SNX29: variants seen among roughly 807,000 people sequenced by gnomAD.
SNX29 encodes sorting nexin 29.
A neutral mutation model predicts 102.1 loss-of-function variants in SNX29; 78 were observed. The ratio of observed to expected loss-of-function variants is 0.76; its 90% CI spans 0.64 to 0.92. The LOEUF (loss-of-function observed/expected upper bound fraction) is 0.92. SNX29 is among the 40% of genes least tolerant of loss of function. The probability of loss-of-function intolerance (pLI) is 0.00; values close to 1 mark genes in which losing one functional copy is unlikely to be tolerated. For missense variants in SNX29, 1,280 were observed against 1,061.7 expected (o/e 1.21, Z -2.86); for synonymous variants, 580 against 414.5 (o/e 1.40, Z -4.85).
chr16:12,201,076 C>T (rs1241834880), intron 14 of SNX29, among the ~76,000 whole-genome samples: 1 of 152,190 alleles, frequency 6.6e-6, no homozygotes, highest in Non-Finnish European at 1.5e-5. Context: ...CTTTTGGTTA[C>T]TGTTTGATCA....
intron 15 of SNX29, among the ~76,000 whole-genome samples, chr16:12,295,932 C>G (rs563751092): frequency 6.6e-6 from 1 of 152,120 alleles, no homozygotes; most frequent in Non-Finnish European, 1.5e-5. Context: ...TTAACGTTTC[C>G]AAAAATGAGT....
chr16:12,567,251 G>A (rs1013462844), intron 20 of SNX29, among the ~76,000 whole-genome samples: 42 of 152,026 alleles, frequency 2.8e-4, no homozygotes, highest in African/African-American at 1.0e-3. Flanking sequence ...ACACAGTCCT[G>A]TCTTCCCTTG....
chr16:12,218,393 T>C (rs57764081), intron 14 of SNX29, among the ~76,000 whole-genome samples: 5 of 152,130 alleles, frequency 3.3e-5, no homozygotes, highest in Non-Finnish European at 7.3e-5. Context: ...ATGTCAGGAG[T>C]TGGGAAACCA....
intron 19 of SNX29, among the ~76,000 whole-genome samples, chr16:12,505,838 G>T (rs918900239): frequency 6.6e-6 from 1 of 150,450 alleles, no homozygotes; most frequent in Non-Finnish European, 1.5e-5. Flanking sequence ...AATTTGAGGA[G>T]TATCAGCATC....
intron 14 of SNX29, among the ~76,000 whole-genome samples, chr16:12,247,898 A>G (rs923202783): frequency 1.3e-5 from 2 of 152,214 alleles, no homozygotes; most frequent in Non-Finnish European, 2.9e-5. Context: ...TCCCAGAGAA[A>G]GGAAGATAAT....
intron 14 of SNX29, among the ~76,000 whole-genome samples, chr16:12,268,938 C>G (rs78529791): frequency 0.033 from 5,063 of 152,160 alleles, 309 homozygotes; most frequent in African/African-American, 0.12. Flanking sequence ...AACACAGATA[C>G]CCCCAAACAG....
At chr16:12,151,827 C>T (rs1444947956) in intron 13 of SNX29, among the ~76,000 whole-genome samples, 2 of 152,158 alleles carry the variant, frequency 1.3e-5, no homozygotes, top group African/African-American at 2.4e-5. Context: ...CCTCTGCCTC[C>T]CGGGTTCAAG....
At chr16:12,562,442 GTTTGAC>G (rs1193243518) in intron 20 of SNX29, among the ~76,000 whole-genome samples, 1 of 152,184 alleles carries the variant, frequency 6.6e-6, no homozygotes, top group African/African-American at 2.4e-5. Flanking sequence ...CAGCTTGCTA[GTTTGAC>G]TTTGATCCCC....
intron 16 of SNX29, among the ~76,000 whole-genome samples, chr16:12,358,592 T>C (rs1198988419): frequency 1.3e-5 from 2 of 152,142 alleles, no homozygotes; most frequent in Non-Finnish European, 2.9e-5. Context: ...CATAAAGAAA[T>C]TGACCCCTAT....
chr16:12,540,339 G>C (rs900383945), intron 20 of SNX29, among the ~76,000 whole-genome samples: 2 of 152,138 alleles, frequency 1.3e-5, no homozygotes, highest in Admixed American at 1.3e-4. Context: ...TATGATTAAA[G>C]AGGAACGTTA....
intron 14 of SNX29, among the ~76,000 whole-genome samples, chr16:12,227,621 C>T (rs915602672): frequency 6.6e-6 from 1 of 151,902 alleles, no homozygotes; most frequent in Admixed American, 6.6e-5. Context: ...TCTCTGAGGC[C>T]GGGCGCGGTG....
intron 14 of SNX29, among the ~76,000 whole-genome samples, chr16:12,234,000 C>G (rs745382530): frequency 1.3e-5 from 2 of 152,162 alleles, no homozygotes; most frequent in African/African-American, 4.8e-5. Flanking sequence ...TTTACCCTTT[C>G]GTTAGTCGAT....
intron 9 of SNX29, among the ~76,000 whole-genome samples, chr16:12,063,496 T>C (rs2050880140): frequency 6.6e-6 from 1 of 150,966 alleles, no homozygotes; most frequent in African/African-American, 2.4e-5. Context: ...TGCCTCAGCT[T>C]CCAGATTAGC....
At chr16:12,551,310 G>C (rs1273485005) in intron 20 of SNX29, among the ~76,000 whole-genome samples, 2 of 152,186 alleles carry the variant, frequency 1.3e-5, no homozygotes, top group African/African-American at 4.8e-5. Context: ...CCACCAAAAA[G>C]CCACTTGTAA....
At chr16:12,248,572 T>C (rs1187154494) in intron 14 of SNX29, among the ~76,000 whole-genome samples, 1 of 151,902 alleles carries the variant, frequency 6.6e-6, no homozygotes, top group Non-Finnish European at 1.5e-5. Flanking sequence ...GTATTTTTAG[T>C]AGAGTAGTAG....
intron 13 of SNX29, among the ~76,000 whole-genome samples, chr16:12,167,012 C>G (rs1024517066): frequency 3.5e-4 from 54 of 152,318 alleles, no homozygotes; most frequent in Middle Eastern, 6.8e-3. Flanking sequence ...TGGGGACTTT[C>G]TGTTACAGTC....
chr16:12,261,389 C>G (rs148472907), intron 14 of SNX29, among the ~76,000 whole-genome samples: 1 of 109,890 alleles, frequency 9.1e-6, no homozygotes, highest in Non-Finnish European at 1.8e-5. Context: ...GGTCTGTGCA[C>G]GTGTCCCCGG....
At chr16:12,161,492 C>T (rs577768094) in intron 13 of SNX29, among the ~76,000 whole-genome samples, 2 of 152,288 alleles carry the variant, frequency 1.3e-5, no homozygotes, top group East Asian at 3.9e-4. Flanking sequence ...TGATGCTGGG[C>T]TCCAGTAGCC....
Position 12,570,773 on chromosome 16 carries a change from A to G in SNX29, c.*2144A>G, listed in dbSNP as rs574429996. The G allele has an allele frequency of 1.7e-4, 21 of 124,510 alleles. No homozygotes were observed. Among genetic ancestry groups the G allele is most frequent in the Admixed American group, 9.2e-4 (7 of 7,568 alleles). The allele number at this position is 124,510 out of a possible 1,614,324, so 7.7% of individuals were successfully genotyped here. A position where few individuals can be genotyped will look rare whatever the true frequency, so the allele number is the denominator to read the frequency against. On this transcript the variant is annotated 3_prime_UTR_variant, in exon 21 of 21. Transcript: ENST00000566228. ...GCACCTTGGACATTCTGCACATGAT[A>G]ATAATGCAACAGTCCCCCATTGCTG...
Sources: gnomAD v4.1 joint callset for allele counts (sites outside exome capture counted in the v4.1 genomes callset) on GRCh38, gnomAD v4.1.1 for gene constraint, MANE v1.5 for transcripts, NCBI Gene and HGNC (gene_info 2026-07-23, HGNC 2026-07-21) for gene names.